Variants in RABGAP1 observed in about 807,000 individuals in gnomAD.
RABGAP1 encodes the protein RAB GTPase activating protein 1.
A neutral mutation model predicts 137.6 loss-of-function variants in RABGAP1; 23 were observed. The ratio of observed to expected loss-of-function variants is 0.17; its 90% confidence interval spans 0.12 to 0.24. The LOEUF (loss-of-function observed/expected upper bound fraction) is 0.24, where lower values mean the gene tolerates loss of function less well. Among genes scored for constraint, RABGAP1 ranks in the 10% least tolerant of loss-of-function variants. The probability of loss-of-function intolerance (pLI) is 1.00; values close to 1 mark genes in which losing one functional copy is unlikely to be tolerated. For missense variants in RABGAP1, 906 were observed against 1,275.8 expected (o/e 0.71, Z 4.42); for synonymous variants, 451 against 450.7 (o/e 1.00, Z -0.01).
intron 2 of RABGAP1, among the ~76,000 whole-genome samples, chr9:122,974,467 A>G (rs1835661193): frequency 7.5e-6 from 1 of 133,750 alleles, no homozygotes. Context: ...TGCTTGATAT[A>G]GAAAACCAGG....
chr9:123,051,295 T>A (rs905236804), intron 13 of RABGAP1, among the ~76,000 whole-genome samples: 4 of 127,298 alleles, frequency 3.1e-5, no homozygotes, highest in African/African-American at 5.9e-5. Flanking sequence ...CTGCCCAGGC[T>A]GGAGTGCAAT....
intron 13 of RABGAP1, among the ~76,000 whole-genome samples, chr9:123,064,144 C>T (rs771146297): frequency 5.9e-5 from 9 of 152,174 alleles, no homozygotes; most frequent in East Asian, 3.8e-4. Context: ...ACCTCCAACG[C>T]GGAGCTCTAA....
In RABGAP1 at chr9:123,015,569, T is replaced by A; in HGVS notation, c.1576T>A (p.Ser526Thr). The change falls in exon 12 of 26, where the codon TCT becomes ACT. Residue 526 changes from serine to threonine, a missense_variant. Transcript: ENST00000373647. Reference protein sequence around the residue: ...EDNDEPLLSGSGDVSKECAEK... With the variant: ...EDNDEPLLSGTGDVSKECAEK... Reference sequence around the variant, plus strand: ...TAATGATGAACCTCTCCTGAGTGGATCTGGTGATGTATCCAAAGAATGTGC... The same window carrying A: ...TAATGATGAACCTCTCCTGAGTGGAACTGGTGATGTATCCAAAGAATGTGC... 6.2e-7 allele frequency: 1 copy of A among 1,611,988 alleles called. No individual in the cohort carries two copies. Among genetic ancestry groups the A allele is most frequent in the Non-Finnish European group, 8.5e-7 (1 of 1,178,476 alleles).
At chr9:122,990,796 AATATATATAT>A (rs1188480184) in intron 6 of RABGAP1, 312 of 27,694 alleles carry the variant, frequency 0.011, 5 homozygotes, top group East Asian at 0.033. Context: ...AAAAAAAAAA[AATATATATAT>A]ATATATATAT....
chr9:122,965,743 C>G (rs28465368), intron 2 of RABGAP1, among the ~76,000 whole-genome samples: 387 of 152,266 alleles, frequency 2.5e-3, no homozygotes, highest in African/African-American at 8.9e-3. Context: ...TTGCATGTAT[C>G]TGTGAATATA....
intron 14 of RABGAP1, 193 bp downstream of exon 14, chr9:123,065,654 A>G: frequency 3.8e-6 from 2 of 526,928 alleles, no homozygotes; most frequent in East Asian, 3.5e-5. Flanking sequence ...AAGAAATAAA[A>G]TGGTAGGGTT....
intron 1 of RABGAP1, among the ~76,000 whole-genome samples, chr9:122,942,688 A>AAAAAAAC (rs57695214): frequency 3.0e-5 from 4 of 132,824 alleles, no homozygotes; most frequent in South Asian, 2.5e-4. Context: ...AAAAAAAAAA[A>AAAAAAAC]CACAAAAAAA....
chr9:123,018,043 G>C (rs1212021743), intron 12 of RABGAP1, among the ~76,000 whole-genome samples: 3 of 152,186 alleles, frequency 2.0e-5, no homozygotes, highest in African/African-American at 7.2e-5. Flanking sequence ...GCCCAGGCTG[G>C]AGTGCAGTGG....
intron 11 of RABGAP1, 77 bp downstream of exon 11, chr9:123,010,605 GATAAT>G: frequency 7.6e-7 from 1 of 1,320,070 alleles, no homozygotes. Flanking sequence ...TCAGGGGATT[GATAAT>G]GTGATACGGC....
At chr9:122,972,978 T>TAA (rs10686868) in intron 2 of RABGAP1, among the ~76,000 whole-genome samples, 18,011 of 144,948 alleles carry the variant, frequency 0.12, 3,236 homozygotes, top group African/African-American at 0.4. Flanking sequence ...CTTTATATAT[T>TAA]AAAAAAAAAA....
intron 1 of RABGAP1, among the ~76,000 whole-genome samples, 184 bp downstream of exon 1, chr9:122,941,277 A>T (rs957739110): frequency 6.6e-6 from 1 of 151,786 alleles, no homozygotes; most frequent in Admixed American, 6.6e-5. Context: ...GGGGAGGGGG[A>T]ACTGCGACGG....
chr9:123,026,062 G>A (rs1403329365), intron 13 of RABGAP1, among the ~76,000 whole-genome samples: 1 of 141,652 alleles, frequency 7.1e-6, no homozygotes, highest in Non-Finnish European at 1.5e-5. Context: ...AGTGGCTCAC[G>A]CCTGTAATCC....
intron 13 of RABGAP1, among the ~76,000 whole-genome samples, chr9:123,044,491 A>G (rs999693117): frequency 3.9e-5 from 6 of 152,152 alleles, no homozygotes; most frequent in Admixed American, 1.3e-4. Context: ...AGTCTGCTGT[A>G]TCACTACGCC....
chr9:123,027,915 A>G (rs752889459), intron 13 of RABGAP1, among the ~76,000 whole-genome samples: 36 of 152,258 alleles, frequency 2.4e-4, no homozygotes, highest in Middle Eastern at 3.2e-3. Flanking sequence ...AGCAATTGCT[A>G]CAGTAGGTCC....
intron 6 of RABGAP1, among the ~76,000 whole-genome samples, chr9:122,995,071 A>T (rs1431800715): frequency 2.0e-5 from 3 of 152,120 alleles, no homozygotes; most frequent in Non-Finnish European, 4.4e-5. Flanking sequence ...GAACTATGAG[A>T]TTGTGCCACT....
chr9:122,989,826 G>T, intron 5 of RABGAP1: 1 of 510,830 alleles, frequency 2.0e-6, no homozygotes, highest in Non-Finnish European at 3.4e-6. Context: ...TTTAGGAAGT[G>T]ATTTTTAAAT....
intron 13 of RABGAP1, among the ~76,000 whole-genome samples, chr9:123,022,019 G>A (rs1010051231): frequency 1.3e-5 from 2 of 152,214 alleles, no homozygotes; most frequent in African/African-American, 4.8e-5. Flanking sequence ...TATGAACAGA[G>A]CCACTGAAGA....
intron 13 of RABGAP1, among the ~76,000 whole-genome samples, chr9:123,054,507 A>G (rs938652799): frequency 6.6e-6 from 1 of 152,158 alleles, no homozygotes; most frequent in Non-Finnish European, 1.5e-5. Flanking sequence ...ATTCCTGTAT[A>G]CTCTGTTATT....
At chr9:122,996,451 A>G in intron 7 of RABGAP1, 88 bp from the exon 8 acceptor site, 1 of 1,290,464 alleles carries the variant, frequency 7.7e-7, no homozygotes, top group Non-Finnish European at 1.1e-6. Context: ...CTTTTCTATC[A>G]GCAAGAATTT....
Sources: allele counts gnomAD v4.1 joint callset (sites outside exome capture counted in the v4.1 genomes callset), GRCh38; gene constraint gnomAD v4.1.1; transcripts MANE v1.5; gene names NCBI Gene and HGNC (gene_info 2026-07-23, HGNC 2026-07-21).